ADGRD2: variants seen among roughly 807,000 people sequenced by gnomAD.
ADGRD2 encodes the protein G protein-coupled receptor PGR24.
Under a neutral mutation model 44.4 loss-of-function variants are expected in ADGRD2, and 71 were observed. The observed-to-expected ratio is 1.60, with a 90% CI of 1.32 to 1.95. The LOEUF is 1.95. Ranked by LOEUF, ADGRD2 falls within the 30% of genes most tolerant of loss-of-function variation. ADGRD2 has a pLI of 0.00. For missense variants in ADGRD2, 1,039 were observed against 512.4 expected (o/e 2.03, Z -9.92); for synonymous variants, 481 against 224.8 (o/e 2.14, Z -10.19).
chr9:124,474,298 AGAGCTC>A (rs1437195857), intron 17 of ADGRD2, among the ~76,000 whole-genome samples: 1 of 149,384 alleles, frequency 6.7e-6, no homozygotes, highest in Non-Finnish European at 1.5e-5. Context: ...AAAAAAAAAA[AGAGCTC>A]AGATTTTGTC....
intron 7 of ADGRD2, among the ~76,000 whole-genome samples, chr9:124,457,270 C>T (rs538853730): frequency 5.3e-5 from 8 of 152,348 alleles, no homozygotes; most frequent in African/African-American, 7.2e-5. Context: ...TCGCGGTGAC[C>T]GCCCCTCCTT....
intron 10 of ADGRD2, 96 bp from the exon 14 acceptor site, chr9:124,466,162 G>C (rs1400506896): frequency 1.0e-5 from 5 of 488,240 alleles, no homozygotes; most frequent in African/African-American, 2.0e-5. Context: ...TCACCTAGCT[G>C]GTTAGAGGCA....
At chr9:124,463,312 C>T (rs1021547039) in intron 10 of ADGRD2, among the ~76,000 whole-genome samples, 1 of 152,120 alleles carries the variant, frequency 6.6e-6, no homozygotes, top group Admixed American at 6.6e-5. Flanking sequence ...GTTAAACCAA[C>T]CTTGGATTCC....
At chr9:124,475,926 G>C (rs1400588046) in intron 19 of ADGRD2, among the ~76,000 whole-genome samples, 1 of 152,164 alleles carries the variant, frequency 6.6e-6, no homozygotes, top group Non-Finnish European at 1.5e-5. Context: ...AGGAAACCAG[G>C]GCCCAGGAAA....
At chr9:124,462,882 T>C (rs1564140549) in intron 10 of ADGRD2, among the ~76,000 whole-genome samples, 3 of 144,616 alleles carry the variant, frequency 2.1e-5, no homozygotes, top group Non-Finnish European at 3.0e-5. Context: ...TGTCTTCCTT[T>C]CTTCCTTCCT....
exon 3 of ADGRD2, chr9:124,453,039 G>A: frequency 1.5e-6 from 1 of 662,606 alleles, no homozygotes; most frequent in Non-Finnish European, 2.7e-6. Flanking sequence ...CTGCAGGTGC[G>A]CGCACCACCG....
exon 13 of ADGRD2, chr9:124,468,170 G>A (rs1039522079): frequency 5.6e-6 from 4 of 718,512 alleles, no homozygotes; most frequent in South Asian, 1.5e-5. Context: ...CATGACCAGC[G>A]AGTGGGCCAA....
At chr9:124,467,822 C>T (rs1046931738) in exon 12 of ADGRD2, 7 of 718,336 alleles carry the variant, frequency 9.7e-6, no homozygotes, top group African/African-American at 1.7e-5. Context: ...TCCTGGTGGC[C>T]GGGTGAGGAG....
chr9:124,457,440 A>G (rs1008431222), intron 7 of ADGRD2, 32 bp from the exon 11 acceptor site: 4 of 560,410 alleles, frequency 7.1e-6, no homozygotes, highest in African/African-American at 3.7e-5. Flanking sequence ...CCTCACTCCG[A>G]GGTCCAGCCA....
exon 9 of ADGRD2, chr9:124,458,117 C>T: frequency 1.4e-6 from 1 of 718,508 alleles, no homozygotes; most frequent in Non-Finnish European, 2.6e-6. Context: ...AGCCAGGCCT[C>T]TCTGGAGTCA....
chr9:124,464,146 A>G (rs1248231311), intron 10 of ADGRD2, among the ~76,000 whole-genome samples: 2 of 151,990 alleles, frequency 1.3e-5, no homozygotes, highest in Admixed American at 6.5e-5. Flanking sequence ...TAAAGGATGA[A>G]TTTTTGAGAT....
Position 124,475,488 on chromosome 9 carries a change from G to A in ADGRD2, c.2800+1G>A. On this transcript the variant is annotated splice_donor_variant, in intron 18 of 21. Transcript: ENST00000334810. LOFTEE classifies it high-confidence loss of function. ...GGTTTATGCTGCCTGCAATGAGGAG[G>A]TGAGTCTGGGGGTGCCGGCTGCAGG... 5 of 714,794 alleles carry A rather than the reference G, an allele frequency of 7.0e-6. No homozygotes were observed. In the South Asian group the frequency reaches 7.5e-5, roughly 11 times the overall value. 44.3% of individuals were successfully genotyped at this position (714,794 alleles called of 1,614,324 possible).
At chr9:124,471,279 C>T (rs1198317705) in intron 17 of ADGRD2, among the ~76,000 whole-genome samples, 2 of 152,126 alleles carry the variant, frequency 1.3e-5, no homozygotes, top group African/African-American at 4.8e-5. Flanking sequence ...CCCCAGGCAC[C>T]TCTCCCTGTC....
intron 10 of ADGRD2, among the ~76,000 whole-genome samples, chr9:124,464,948 C>A (rs1379433809): frequency 1.3e-5 from 2 of 152,164 alleles, no homozygotes; most frequent in African/African-American, 2.4e-5. Flanking sequence ...TAGCCAGAGG[C>A]CTGTGTGTTC....
intron 1 of ADGRD2, 108 bp from the exon 5 acceptor site, chr9:124,452,402 C>G: frequency 1.4e-6 from 1 of 698,452 alleles, no homozygotes; most frequent in Non-Finnish European, 2.7e-6. Context: ...GGGTTCAGCC[C>G]CATCCAGCCC....
chr9:124,458,469 G>A (rs944775365), intron 9 of ADGRD2, 147 bp from the exon 13 acceptor site: 4 of 626,644 alleles, frequency 6.4e-6, no homozygotes, highest in African/African-American at 1.8e-5. Context: ...AAGTCCCTAA[G>A]GCAAGACTGA....
chr9:124,470,587 C>T (rs537070341), exon 17 of ADGRD2: 27 of 708,408 alleles, frequency 3.8e-5, no homozygotes, highest in African/African-American at 2.4e-4. Context: ...CCTGGGCCTA[C>T]GCTGCCGTGG....
At chr9:124,460,410 G>T (rs1831707686) in intron 10 of ADGRD2, among the ~76,000 whole-genome samples, 1 of 150,276 alleles carries the variant, frequency 6.7e-6, no homozygotes, top group Non-Finnish European at 1.5e-5. Flanking sequence ...TAGAGATGGG[G>T]TTTCTCCATG....
At chr9:124,451,667 A>G (rs904515726), upstream of ADGRD2, 5 of 263,618 alleles carry the variant, frequency 1.9e-5, no homozygotes, top group African/African-American at 1.1e-4. Flanking sequence ...TGGATCCAGG[A>G]TGGCACCGTG....
Sources: allele counts gnomAD v4.1 joint callset (sites outside exome capture counted in the v4.1 genomes callset), GRCh38; gene constraint gnomAD v4.1.1; transcripts MANE v1.5; gene names NCBI Gene and HGNC (gene_info 2026-07-23, HGNC 2026-07-21).